GALNT13: variants seen among roughly 807,000 people sequenced by gnomAD.
The protein encoded by GALNT13 is polypeptide N-acetylgalactosaminyltransferase 13.
In GALNT13, 28 loss-of-function variants were observed where a neutral mutation model predicts 64.2. The ratio of observed to expected loss-of-function variants is 0.44; its 90% CI spans 0.32 to 0.60. The LOEUF (loss-of-function observed/expected upper bound fraction) is 0.60, where lower values mean the gene tolerates loss of function less well. Among genes scored for constraint, GALNT13 ranks in the 20% least tolerant of loss-of-function variants. The pLI is 0.05. For missense variants in GALNT13, 577 were observed against 669.8 expected (o/e 0.86, Z 1.53); for synonymous variants, 214 against 224.6 (o/e 0.95, Z 0.42).
the GALNT13 span, among the ~76,000 whole-genome samples, chr2:153,243,410 G>A: frequency 6.6e-6 from 1 of 152,196 alleles, no homozygotes; most frequent in Non-Finnish European, 1.5e-5. Context: ...GCTGAAAGCA[G>A]TCAGACCTTA....
chr2:153,746,461 AATG>A, the GALNT13 span, among the ~76,000 whole-genome samples: 1 of 152,200 alleles, frequency 6.6e-6, no homozygotes, highest in Admixed American at 6.6e-5. Context: ...ATTCACCTGT[AATG>A]TTAAAGAGAT....
chr2:153,210,887 A>G, the GALNT13 span, among the ~76,000 whole-genome samples: 2 of 152,168 alleles, frequency 1.3e-5, no homozygotes, highest in African/African-American at 2.4e-5. Context: ...GATCCTCAGT[A>G]GATGCTTGGG....
intron 3 of GALNT13, among the ~76,000 whole-genome samples, chr2:153,960,740 C>T (rs1011005750): frequency 4.6e-5 from 7 of 152,206 alleles, no homozygotes; most frequent in South Asian, 2.1e-4. Flanking sequence ...CAGTCTGGTC[C>T]GGTGTCCGAG....
intron 3 of GALNT13, among the ~76,000 whole-genome samples, chr2:153,980,478 A>G (rs578209109): frequency 6.6e-6 from 1 of 152,226 alleles, no homozygotes; most frequent in South Asian, 2.1e-4. Flanking sequence ...ATCAAGAAAG[A>G]AAGGTTTAGG....
the GALNT13 span, among the ~76,000 whole-genome samples, chr2:153,367,232 T>C: frequency 1.3e-5 from 2 of 152,120 alleles, no homozygotes; most frequent in African/African-American, 4.8e-5. Flanking sequence ...TGCATGTTTA[T>C]ATCATATATA....
chr2:153,604,809 G>C, the GALNT13 span, among the ~76,000 whole-genome samples: 19 of 152,128 alleles, frequency 1.2e-4, no homozygotes, highest in South Asian at 3.9e-3. Context: ...TTACATAAAG[G>C]AATACCTATT....
chr2:154,408,962 C>G lies in GALNT13; in HGVS notation c.1297-22C>G, dbSNP rs773276211. The G allele has an allele frequency of 4.2e-6, 6 of 1,419,138 alleles. No individual in the cohort carries two copies. In the African/African-American group the frequency reaches 4.2e-5, roughly 10 times the overall value. 87.9% of individuals were successfully genotyped at this position (1,419,138 alleles called of 1,614,324 possible). On this transcript the variant is annotated intron_variant, in intron 10 of 12. Transcript: ENST00000392825. ...CTGTCTGATTTATGTTTTATCCCCCCCCTTTTGTGTGTTTCCTTTAGATAA... is the reference window on the plus strand; with the variant it reads ...CTGTCTGATTTATGTTTTATCCCCCGCCTTTTGTGTGTTTCCTTTAGATAA...
intron 3 of GALNT13, among the ~76,000 whole-genome samples, chr2:154,045,839 C>G (rs893922186): frequency 6.6e-6 from 1 of 152,230 alleles, no homozygotes; most frequent in Admixed American, 6.5e-5. Flanking sequence ...TGTACTTACT[C>G]TTCTTCTCAC....
At chr2:154,394,387 T>C (rs1188424924) in intron 9 of GALNT13, among the ~76,000 whole-genome samples, 1 of 152,168 alleles carries the variant, frequency 6.6e-6, no homozygotes, top group East Asian at 1.9e-4. Flanking sequence ...TCTAGGAAGA[T>C]GTTATGGAGC....
At chr2:153,669,982 C>T in the GALNT13 span, among the ~76,000 whole-genome samples, 803 of 152,048 alleles carry the variant, frequency 5.3e-3, 9 homozygotes, top group African/African-American at 0.018. Context: ...GGGCATCTGC[C>T]ATTGCTGAGG....
the GALNT13 span, among the ~76,000 whole-genome samples, chr2:153,072,994 G>A: frequency 6.6e-6 from 1 of 152,176 alleles, no homozygotes; most frequent in Admixed American, 6.5e-5. Flanking sequence ...AAGGACTGGC[G>A]GTTTCACAGC....
chr2:153,338,303 T>C, the GALNT13 span, among the ~76,000 whole-genome samples: 1,581 of 151,294 alleles, frequency 0.01, 30 homozygotes, highest in African/African-American at 0.037. Flanking sequence ...TAAACATATA[T>C]GAAAAAACAA....
the GALNT13 span, among the ~76,000 whole-genome samples, chr2:153,704,209 T>C: frequency 6.6e-6 from 1 of 152,126 alleles, no homozygotes; most frequent in East Asian, 1.9e-4. Flanking sequence ...CAAACATCAC[T>C]CAACATTTTG....
At chr2:153,981,953 G>A (rs948698675) in intron 3 of GALNT13, among the ~76,000 whole-genome samples, 11 of 151,736 alleles carry the variant, frequency 7.2e-5, no homozygotes, top group Non-Finnish European at 1.5e-4. Flanking sequence ...TATAATGTCA[G>A]TTGTGGCATT....
At chr2:153,643,560 C>G in the GALNT13 span, among the ~76,000 whole-genome samples, 1 of 151,652 alleles carries the variant, frequency 6.6e-6, no homozygotes, top group Admixed American at 6.6e-5. Context: ...ATAAGTTAAT[C>G]CAATCTCCAC....
At chr2:153,473,687 G>A in the GALNT13 span, among the ~76,000 whole-genome samples, 16 of 152,156 alleles carry the variant, frequency 1.1e-4, no homozygotes, top group Admixed American at 4.6e-4. Flanking sequence ...AGAACAAACC[G>A]AACCCTGGAA....
chr2:153,258,221 G>A, the GALNT13 span, among the ~76,000 whole-genome samples: 1 of 152,282 alleles, frequency 6.6e-6, no homozygotes, highest in South Asian at 2.1e-4. Context: ...TAATACTAAA[G>A]TTTGTTTTGC....
At chr2:153,180,093 C>T in the GALNT13 span, among the ~76,000 whole-genome samples, 2 of 152,174 alleles carry the variant, frequency 1.3e-5, no homozygotes, top group East Asian at 3.9e-4. Context: ...AGTGGACATC[C>T]TTGTCTTTTT....
chr2:154,094,620 T>C (rs1701985616), intron 3 of GALNT13, among the ~76,000 whole-genome samples: 1 of 152,028 alleles, frequency 6.6e-6, no homozygotes, highest in Non-Finnish European at 1.5e-5. Flanking sequence ...TCTTTTTCTA[T>C]TTTTGTCTCC....
Sources: gnomAD v4.1 joint callset for allele counts (sites outside exome capture counted in the v4.1 genomes callset) on GRCh38, gnomAD v4.1.1 for gene constraint, MANE v1.5 for transcripts, NCBI Gene and HGNC (gene_info 2026-07-23, HGNC 2026-07-21) for gene names.